The following TMCO4 variants were observed in gnomAD, a reference collection of about 807,000 sequenced individuals.
The protein encoded by TMCO4 is transmembrane and coiled-coil domains 4, also known as transmembrane and coiled-coil domain-containing protein 4.
A neutral mutation model predicts 64.7 loss-of-function variants in TMCO4; 58 were observed. The observed-to-expected ratio is 0.90, with a 90% confidence interval of 0.73 to 1.12. TMCO4 has a LOEUF of 1.12. TMCO4 is among the 50% of genes most tolerant of loss of function. The probability of loss-of-function intolerance (pLI) is 0.00; values close to 1 mark genes in which losing one functional copy is unlikely to be tolerated. For missense variants in TMCO4, 780 were observed against 825.9 expected, an observed-to-expected ratio of 0.94 and a Z score of 0.68; for synonymous variants, 325 against 346.1, an observed-to-expected ratio of 0.94 and a Z score of 0.68.
At chr1:19,713,120 T>G (rs977057344) in intron 13 of TMCO4, among the ~76,000 whole-genome samples, 11 of 152,194 alleles carry the variant, frequency 7.2e-5, no homozygotes. Context: ...CTGTGCCTTC[T>G]ATGGGCCAAT....
In TMCO4 at chr1:19,732,548, GA is replaced by G. The variant is rs2095434486; in HGVS notation, c.1264+4823del. ...CTCTCTAGATGATCAATGAGGCAGGGATGGGATGTTATGAAATAAGGAGGGA... is the reference window on the plus strand; with the variant it reads ...CTCTCTAGATGATCAATGAGGCAGGGTGGGATGTTATGAAATAAGGAGGGA... On this transcript the variant is annotated intron_variant, in intron 13 of 15. Transcript: ENST00000294543. The surrounding 1 kb of genome is among the most constrained non-coding windows in gnomAD (Gnocchi z 4.8). 6.6e-6 allele frequency among the ~76,000 whole-genome samples: 1 copy of G among 152,118 alleles called. No homozygotes were observed. The highest frequency in any genetic ancestry group is 6.5e-5 in the Admixed American group (1 of 15,274).
intron 13 of TMCO4, among the ~76,000 whole-genome samples, chr1:19,709,292 G>T (rs1016763987): frequency 1.3e-5 from 2 of 152,062 alleles, no homozygotes; most frequent in African/African-American, 4.8e-5. Context: ...CCGGCGGGGG[G>T]GGGGGACCCT....
chr1:19,765,145 A>G (rs902438312), intron 6 of TMCO4, among the ~76,000 whole-genome samples: 2 of 152,202 alleles, frequency 1.3e-5, no homozygotes, highest in African/African-American at 4.8e-5. Flanking sequence ...CCAGGGACCA[A>G]TACAGAGTTC....
In TMCO4 at chr1:19,747,182, G is replaced by A. The variant is rs772015231; in HGVS notation, c.594C>T (p.Val198=). The change falls in exon 8 of 16, where the codon GTC becomes GTT. Residue 198 remains valine (V), a synonymous_variant. Transcript: ENST00000294543. ...ACTCACCGATCACCGTTCCGCCTCC[G>A]ACAGTCGCCAGGCCTATCAGGAGAT... The part of the protein sequence containing the change: ...KRYLLIGLAT[V]GGGTVIGVTG... 1.3e-5 allele frequency: 21 copies of A among 1,613,824 alleles called. No individual in the cohort carries two copies. The highest frequency in any genetic ancestry group is 8.0e-5 in the African/African-American group (6 of 74,888).
intron 14 of TMCO4, among the ~76,000 whole-genome samples, chr1:19,699,478 T>C (rs2095257209): frequency 7.7e-6 from 1 of 129,272 alleles, no homozygotes; most frequent in African/African-American, 3.2e-5. Context: ...CCTTATCTTT[T>C]TCATATACAT....
chr1:19,712,248 G>A (rs181789545), intron 13 of TMCO4, among the ~76,000 whole-genome samples: 20 of 152,288 alleles, frequency 1.3e-4, no homozygotes, highest in African/African-American at 4.6e-4. Flanking sequence ...CGTCTTATAT[G>A]GACAATGTTT....
chr1:19,777,505 C>T (rs972591851), intron 4 of TMCO4, among the ~76,000 whole-genome samples: 5 of 152,202 alleles, frequency 3.3e-5, no homozygotes, highest in South Asian at 2.1e-4. Context: ...GTACCACTCA[C>T]GTCTGGCTAA....
intron 6 of TMCO4, among the ~76,000 whole-genome samples, chr1:19,760,041 T>C (rs1306718627): frequency 6.6e-6 from 1 of 152,152 alleles, no homozygotes. Context: ...CCCTCTCTAG[T>C]ACCCTCCAAG....
chr1:19,747,492 C>T (rs1280290222), intron 7 of TMCO4, among the ~76,000 whole-genome samples: 1 of 152,148 alleles, frequency 6.6e-6, no homozygotes, highest in African/African-American at 2.4e-5. Flanking sequence ...TGGATCCATC[C>T]TAACAGGGTT....
At chr1:19,710,492 T>C (rs913364893) in intron 13 of TMCO4, among the ~76,000 whole-genome samples, 8 of 152,170 alleles carry the variant, frequency 5.3e-5, no homozygotes, top group Admixed American at 2.6e-4. Flanking sequence ...GACTAAGTGC[T>C]TCATACATCA....
Position 19,687,191 on chromosome 1 carries a change from A to G in TMCO4, c.1501-3747T>C, listed in dbSNP as rs113014626. Among the ~76,000 whole-genome samples the G allele has an allele frequency of 6.8e-3, 1,039 of 152,252 alleles. 12 individuals carry two copies. Among genetic ancestry groups the G allele is most frequent in the African/African-American group, 0.024 (988 of 41,560 alleles). On this transcript the variant is annotated intron_variant, in intron 15 of 15. Transcript: ENST00000294543. ...GGTCTCGGACTCCCAACCTCAGGTG[A>G]TCCGCCTTCCTTGGCCTCCCAAAGT...
At chr1:19,778,936 G>C (rs2043334263) in intron 4 of TMCO4, among the ~76,000 whole-genome samples, 1 of 152,174 alleles carries the variant, frequency 6.6e-6, no homozygotes, top group Non-Finnish European at 1.5e-5. Context: ...TGCAGAGATG[G>C]GTCGCTGGGC....
chr1:19,777,026 CAAAAA>C (rs59722797), intron 4 of TMCO4, among the ~76,000 whole-genome samples: 1 of 82,782 alleles, frequency 1.2e-5, no homozygotes. Flanking sequence ...GACACTGTCT[CAAAAA>C]AAAAAAAAAA....
intron 6 of TMCO4, among the ~76,000 whole-genome samples, chr1:19,762,887 G>C (rs889903521): frequency 6.6e-6 from 1 of 152,134 alleles, no homozygotes; most frequent in South Asian, 2.1e-4. Flanking sequence ...GTCAATCCCC[G>C]CCCTTTGGGG....
intron 5 of TMCO4, 43 bp downstream of exon 5, chr1:19,771,265 T>C: frequency 6.4e-7 from 1 of 1,570,160 alleles, no homozygotes; most frequent in Admixed American, 1.9e-5. Context: ...GAAAATGATT[T>C]GTTCTACTGT....
intron 6 of TMCO4, among the ~76,000 whole-genome samples, chr1:19,765,455 CAT>C (rs55932504): frequency 0.61 from 92,435 of 151,824 alleles, 29,556 homozygotes; most frequent in African/African-American, 0.82. Flanking sequence ...ACCTAGAGGA[CAT>C]TGGAGCCATT....
At chr1:19,701,029 T>TGTACAC in intron 13 of TMCO4, 144 bp from the exon 14 acceptor site, 1 of 654,720 alleles carries the variant, frequency 1.5e-6, no homozygotes, top group South Asian at 1.9e-5. Flanking sequence ...CAAATGTGCA[T>TGTACAC]GTACACACAT....
At chr1:19,705,559 T>G (rs534493101) in intron 13 of TMCO4, among the ~76,000 whole-genome samples, 1 of 151,512 alleles carries the variant, frequency 6.6e-6, no homozygotes, top group Admixed American at 6.6e-5. Context: ...ACAACTCATG[T>G]TTTAGGAACG....
At chr1:19,686,925 T>G (rs2095153717) in intron 15 of TMCO4, among the ~76,000 whole-genome samples, 1 of 151,330 alleles carries the variant, frequency 6.6e-6, no homozygotes, top group Middle Eastern at 3.4e-3. Flanking sequence ...TATGTTCCTA[T>G]ATGATCCAAA....
Sources: allele counts gnomAD v4.1 joint callset (sites outside exome capture counted in the v4.1 genomes callset), GRCh38; gene constraint gnomAD v4.1.1; non-coding constraint Gnocchi (gnomAD v3.1); transcripts MANE v1.5; gene names NCBI Gene and HGNC (gene_info 2026-07-23, HGNC 2026-07-21).